The following TGFA variants were observed in gnomAD, a reference collection of about 807,000 sequenced individuals.
TGFA encodes the protein protransforming growth factor alpha.
TGFA carries 12 observed loss-of-function variants against 21.7 expected under a neutral mutation model. The ratio of observed to expected loss-of-function variants is 0.55; its 90% CI spans 0.35 to 0.90. TGFA has a LOEUF of 0.90. Ranked by LOEUF, TGFA falls within the 40% of genes least tolerant of loss-of-function variation. The probability of loss-of-function intolerance (pLI) is 0.01; values close to 1 mark genes in which losing one functional copy is unlikely to be tolerated. For missense variants in TGFA, 178 were observed against 210.8 expected, an observed-to-expected ratio of 0.84 and a Z score of 0.96; for synonymous variants, 79 against 88.1, an observed-to-expected ratio of 0.90 and a Z score of 0.58.
chr2:70,531,925 C>T (rs1366755508), intron 1 of TGFA, among the ~76,000 whole-genome samples: 1 of 152,166 alleles, frequency 6.6e-6, no homozygotes, highest in African/African-American at 2.4e-5. Context: ...CTACTTGAAA[C>T]ACACCCACAC....
chr2:70,507,876 C>G (rs1281278780), intron 2 of TGFA, among the ~76,000 whole-genome samples: 1 of 152,200 alleles, frequency 6.6e-6, no homozygotes, highest in Non-Finnish European at 1.5e-5. Context: ...GACCAATGCC[C>G]TCAGCATGCA....
intron 1 of TGFA, among the ~76,000 whole-genome samples, chr2:70,539,216 T>C (rs1301254837): frequency 6.6e-6 from 1 of 152,232 alleles, no homozygotes; most frequent in South Asian, 2.1e-4. Context: ...AAAGTTCATG[T>C]GACTCACTTT....
intron 1 of TGFA, among the ~76,000 whole-genome samples, chr2:70,534,693 C>G (rs1553504162): frequency 7.4e-6 from 1 of 134,400 alleles, no homozygotes; most frequent in African/African-American, 3.3e-5. Context: ...CTCTACCATA[C>G]TTGTTTTTTT....
chr2:70,454,817 A>T (rs192166477), intron 4 of TGFA, among the ~76,000 whole-genome samples: 12 of 152,284 alleles, frequency 7.9e-5, no homozygotes, highest in South Asian at 2.1e-4. Flanking sequence ...GAAATGAGAG[A>T]TGCTGTCTAG....
chr2:70,524,318 C>T (rs1292368511), intron 1 of TGFA, among the ~76,000 whole-genome samples: 1 of 152,218 alleles, frequency 6.6e-6, no homozygotes. Flanking sequence ...CAGATCTATG[C>T]CACACCCTTT....
intron 1 of TGFA, among the ~76,000 whole-genome samples, chr2:70,546,073 T>C (rs953043512): frequency 2.0e-5 from 3 of 152,222 alleles, no homozygotes; most frequent in Non-Finnish European, 4.4e-5. Context: ...ACTTACAGTG[T>C]TATGGAAGAT....
intron 2 of TGFA, among the ~76,000 whole-genome samples, chr2:70,492,818 G>A (rs1472332338): frequency 6.6e-6 from 1 of 152,006 alleles, no homozygotes; most frequent in Non-Finnish European, 1.5e-5. Context: ...ATCACCAATT[G>A]TGCTTCAAAT....
At chr2:70,541,625 G>A (rs373733576) in intron 1 of TGFA, among the ~76,000 whole-genome samples, 4 of 152,326 alleles carry the variant, frequency 2.6e-5, no homozygotes, top group East Asian at 3.9e-4. Flanking sequence ...GAGGATGCAC[G>A]TGTTCTATGA....
intron 2 of TGFA, among the ~76,000 whole-genome samples, chr2:70,489,416 C>G (rs1160955824): frequency 3.9e-5 from 6 of 152,214 alleles, no homozygotes; most frequent in African/African-American, 1.2e-4. Context: ...TTCTGGGCTG[C>G]CTGGGGAATG....
intron 1 of TGFA, among the ~76,000 whole-genome samples, chr2:70,532,260 C>T (rs1672834122): frequency 6.6e-6 from 1 of 152,152 alleles, no homozygotes; most frequent in African/African-American, 2.4e-5. Context: ...CAGCACATAG[C>T]TAGGGAGTTT....
chr2:70,516,540 AG>A (rs1188217369), intron 1 of TGFA, among the ~76,000 whole-genome samples: 1 of 152,164 alleles, frequency 6.6e-6, no homozygotes, highest in East Asian at 1.9e-4. Context: ...GAGGCAGGGC[AG>A]GGGGACAGGG....
At position 70,449,735 on chromosome 2, in the gene TGFA, C is replaced by G. The variant is rs566722605; in HGVS notation, c.*1124G>C. ...ATAAAGCAACAAACCAACCAAGCAA[C>G]AAAATGGAAAATAAATGACTGGTCC... On this transcript the variant is annotated 3_prime_UTR_variant, in exon 6 of 6. Transcript: ENST00000295400. 4.1e-5 allele frequency: 7 copies of G among 172,736 alleles called. No individual in the cohort carries two copies. Among genetic ancestry groups the G allele is most frequent in the Non-Finnish European group, 9.0e-5 (7 of 77,910 alleles). The allele number at this position is 172,736 out of a possible 1,614,324, so 10.7% of individuals were successfully genotyped here. A position where few individuals can be genotyped will look rare whatever the true frequency, so the allele number is the denominator to read the frequency against.
rs1275235009 is a variant in TGFA, at chr2:70,546,632, C to G, written c.40+7096G>C. ...GGGACTACAGGCATGCACTACCACA[C>G]CCCGCTAATTTTTCTTTTTTCTTTT... On this transcript the variant is annotated intron_variant, in intron 1 of 5. Transcript: ENST00000295400. Among the ~76,000 whole-genome samples the G allele has an allele frequency of 4.0e-5, 6 of 151,678 alleles. No individual in the cohort carries two copies. In the East Asian group the frequency reaches 1.2e-3, roughly 29 times the overall value.
rs560791174 is a variant in TGFA at position 70,508,426 on chromosome 2, CA to C, written c.94+6432del. On this transcript the variant is annotated intron_variant, in intron 2 of 5. Transcript: ENST00000295400. ...CACCATTGCACGCTAGCCTGGGTGA[CA>C]AGAGCAAAACTCCATCTCAAAACAA... is the stretch of plus-strand genomic sequence containing the variant. Among the ~76,000 whole-genome samples the C allele has an allele frequency of 8.5e-4, 130 of 152,120 alleles. 1 individual carries two copies. The highest frequency in any genetic ancestry group is 3.4e-3 in the Middle Eastern group (1 of 294).
At chr2:70,453,431 C>T in intron 4 of TGFA, 104 bp from the exon 5 acceptor site, 1 of 792,638 alleles carries the variant, frequency 1.3e-6, no homozygotes, top group Non-Finnish European at 1.9e-6. Context: ...AGCTCTAAAC[C>T]AGCTCCAAAC....
chr2:70,552,254 T>C (rs1673534833), intron 1 of TGFA, among the ~76,000 whole-genome samples: 1 of 152,212 alleles, frequency 6.6e-6, no homozygotes, highest in African/African-American at 2.4e-5. Flanking sequence ...ATCCGGTTGG[T>C]GTGAAAACTG....
intron 1 of TGFA, among the ~76,000 whole-genome samples, chr2:70,518,984 T>A (rs551505639): frequency 6.6e-6 from 1 of 152,240 alleles, no homozygotes; most frequent in East Asian, 1.9e-4. Context: ...TAAGTTTTTG[T>A]TTTCAGGGGG....
chr2:70,531,218 G>A (rs909918443), intron 1 of TGFA, among the ~76,000 whole-genome samples: 1 of 152,158 alleles, frequency 6.6e-6, no homozygotes, highest in African/African-American at 2.4e-5. Flanking sequence ...CACAGAGTAT[G>A]GTCAGTCCCA....
intron 2 of TGFA, among the ~76,000 whole-genome samples, chr2:70,473,321 T>G (rs1670813838): frequency 6.6e-6 from 1 of 151,976 alleles, no homozygotes. Context: ...AAGTAAATGG[T>G]CTAGAACCCA....
Sources: gnomAD v4.1 joint callset for allele counts (sites outside exome capture counted in the v4.1 genomes callset) on GRCh38, gnomAD v4.1.1 for gene constraint, MANE v1.5 for transcripts, NCBI Gene and HGNC (gene_info 2026-07-23, HGNC 2026-07-21) for gene names.